The following ETV6 variants were observed in gnomAD, a reference collection of about 807,000 sequenced individuals.
The protein encoded by ETV6 is ETS variant transcription factor 6.
ETV6 carries 16 observed loss-of-function variants against 51.1 expected under a neutral mutation model. That is an observed-to-expected ratio of 0.31 (90% confidence interval 0.21 to 0.48). The LOEUF (loss-of-function observed/expected upper bound fraction) is 0.48, where lower values mean the gene tolerates loss of function less well. Ranked by LOEUF, ETV6 falls within the 20% of genes least tolerant of loss-of-function variation. The pLI is 0.99. For synonymous variants in ETV6, 240 were observed against 224.1 expected (o/e 1.07, Z -0.64); for missense variants, 458 against 594.8 (o/e 0.77, Z 2.39).
At chr12:11,829,828 C>T (rs1297804402) in intron 2 of ETV6, among the ~76,000 whole-genome samples, 1 of 152,160 alleles carries the variant, frequency 6.6e-6, no homozygotes, top group Admixed American at 6.5e-5. Flanking sequence ...TGCTGAGATA[C>T]AGGCTAACCT....
At chr12:11,740,605 G>A (rs1363490726) in intron 1 of ETV6, among the ~76,000 whole-genome samples, 3 of 152,162 alleles carry the variant, frequency 2.0e-5, no homozygotes, top group Admixed American at 6.5e-5. Context: ...TTGTCTAAAG[G>A]AAGGATAGAT....
In ETV6 at chr12:11,869,857, G is replaced by C; in HGVS notation, c.897G>C (p.Arg299Ser). ...QSRLSEDGLH[R>S]EGKPINLSHR... ...GGCTCTCCGAGGACGGGCTGCATAG[G>C]GAAGGGAAGCCCATCAACCTCTCTC... Residue 299 changes from arginine to serine, a missense_variant, in exon 5 of 8, where the codon AGG (arginine) becomes AGC (serine). Physicochemically the swap from Arg to Ser is moderately radical, Grantham distance 110. Coordinates refer to ENST00000396373, the MANE Select transcript of ETV6 (RefSeq NM_001987.5). This position sits in a 1 kb window ranked among gnomAD's most constrained non-coding sequence, Gnocchi z 5.0. 6.2e-7 allele frequency: 1 copy of C among 1,613,236 alleles called. No homozygotes were observed. Among genetic ancestry groups the C allele is most frequent in the Non-Finnish European group, 8.5e-7 (1 of 1,180,028 alleles).
At chr12:11,813,754 T>C (rs1362316901) in intron 2 of ETV6, among the ~76,000 whole-genome samples, 1 of 151,932 alleles carries the variant, frequency 6.6e-6, no homozygotes, top group Non-Finnish European at 1.5e-5. Flanking sequence ...ACTTGCAGAG[T>C]TGCATATTGT....
At chr12:11,751,510 G>C in intron 1 of ETV6, 1 of 509,200 alleles carries the variant, frequency 2.0e-6, no homozygotes, top group Admixed American at 2.0e-5. Context: ...GCTACAAATT[G>C]CACTGCTGTT....
At chr12:11,825,149 G>T (rs893592495) in intron 2 of ETV6, among the ~76,000 whole-genome samples, 1 of 152,098 alleles carries the variant, frequency 6.6e-6, no homozygotes, top group Non-Finnish European at 1.5e-5. Flanking sequence ...GATACGAAGC[G>T]TGGGGCAAAC....
chr12:11,699,037 C>T (rs892611751), intron 1 of ETV6, among the ~76,000 whole-genome samples: 6 of 152,312 alleles, frequency 3.9e-5, no homozygotes, highest in Admixed American at 3.3e-4. Context: ...CATTAGAGCA[C>T]GATGCTGCCA....
At chr12:11,870,012 T>C in intron 5 of ETV6, 43 bp downstream of exon 5, 1 of 1,556,348 alleles carries the variant, frequency 6.4e-7, no homozygotes, top group Non-Finnish European at 8.6e-7. Flanking sequence ...CATGGGGACC[T>C]GACAAAGTCC....
intron 1 of ETV6, among the ~76,000 whole-genome samples, chr12:11,748,154 G>A (rs749462141): frequency 7.2e-5 from 11 of 152,202 alleles, no homozygotes; most frequent in Non-Finnish European, 1.5e-4. Context: ...ATGGGACACC[G>A]AAGTGCAATG....
intron 2 of ETV6, among the ~76,000 whole-genome samples, chr12:11,755,745 C>T (rs987029234): frequency 2.6e-5 from 4 of 152,086 alleles, no homozygotes; most frequent in Admixed American, 6.5e-5. Flanking sequence ...ATGGAAAGTA[C>T]GGGGAAGAAT....
At chr12:11,746,373 C>A (rs977976860) in intron 1 of ETV6, among the ~76,000 whole-genome samples, 1 of 152,138 alleles carries the variant, frequency 6.6e-6, no homozygotes, top group Non-Finnish European at 1.5e-5. Flanking sequence ...TTCCTCATTG[C>A]GGAATGGAGA....
chr12:11,808,693 G>T (rs1294591724), intron 2 of ETV6, among the ~76,000 whole-genome samples: 1 of 152,206 alleles, frequency 6.6e-6, no homozygotes, highest in East Asian at 1.9e-4. Flanking sequence ...GCAGAGGAAT[G>T]ACTGTACTGG....
chr12:11,848,119 C>A (rs1946491134), intron 3 of ETV6, among the ~76,000 whole-genome samples: 1 of 152,178 alleles, frequency 6.6e-6, no homozygotes, highest in Non-Finnish European at 1.5e-5. Flanking sequence ...ATGACAATTG[C>A]AAGAGACACC....
chr12:11,676,169 G>C (rs1057028282), intron 1 of ETV6, among the ~76,000 whole-genome samples: 1 of 152,196 alleles, frequency 6.6e-6, no homozygotes, highest in Non-Finnish European at 1.5e-5. Flanking sequence ...AGTCATTAGA[G>C]ACTAGAAGCT....
chr12:11,773,229 T>G (rs772970186), intron 2 of ETV6, among the ~76,000 whole-genome samples: 1 of 151,268 alleles, frequency 6.6e-6, no homozygotes, highest in Non-Finnish European at 1.5e-5. Flanking sequence ...CTTGATCTTA[T>G]TGCCTTGTCA....
intron 2 of ETV6, among the ~76,000 whole-genome samples, chr12:11,775,497 A>G (rs1279139209): frequency 6.6e-6 from 1 of 152,184 alleles, no homozygotes; most frequent in African/African-American, 2.4e-5. Context: ...TCTTCAGCAA[A>G]TATTAACTGA....
chr12:11,734,851 A>C (rs1865672670), intron 1 of ETV6, among the ~76,000 whole-genome samples: 1 of 152,172 alleles, frequency 6.6e-6, no homozygotes, highest in African/African-American at 2.4e-5. Context: ...CGTAGCTCTT[A>C]ACCACTATGC....
At chr12:11,658,538 G>A (rs532731350) in intron 1 of ETV6, among the ~76,000 whole-genome samples, 12 of 152,254 alleles carry the variant, frequency 7.9e-5, no homozygotes, top group African/African-American at 2.2e-4. Context: ...CCCGGCCCCC[G>A]GCCAGGGATG....
chr12:11,684,017 T>A (rs895589181), intron 1 of ETV6, among the ~76,000 whole-genome samples: 1 of 152,338 alleles, frequency 6.6e-6, no homozygotes, highest in Admixed American at 6.5e-5. Flanking sequence ...ATTCAACAGA[T>A]GTGTATTGCC....
chr12:11,671,350 A>C (rs2856310), intron 1 of ETV6, among the ~76,000 whole-genome samples: 139,343 of 152,198 alleles, frequency 0.92, 64,638 homozygotes, highest in Non-Finnish European at 0.99. Flanking sequence ...GTTCTGACTG[A>C]GAGGCACTTG....
Sources: gnomAD v4.1 joint callset for allele counts (sites outside exome capture counted in the v4.1 genomes callset) on GRCh38, gnomAD v4.1.1 for gene constraint, Gnocchi (gnomAD v3.1) non-coding constraint, MANE v1.5 for transcripts, NCBI Gene and HGNC (gene_info 2026-07-23, HGNC 2026-07-21) for gene names.